EFNA5: variants seen among roughly 807,000 people sequenced by gnomAD.
EFNA5 encodes ephrin-A5.
EFNA5 carries 5 observed loss-of-function variants against 22.9 expected under a neutral mutation model. The ratio of observed to expected loss-of-function variants is 0.22; its 90% CI spans 0.11 to 0.46. The LOEUF is 0.46. Ranked by LOEUF, EFNA5 falls within the 20% of genes least tolerant of loss-of-function variation. The pLI, the probability that EFNA5 is intolerant of heterozygous loss-of-function variation, is 0.99. For missense variants in EFNA5, 237 were observed against 293.3 expected, an observed-to-expected ratio of 0.81 and a Z score of 1.40; for synonymous variants, 113 against 112.2, an observed-to-expected ratio of 1.01 and a Z score of -0.04.
At chr5:107,394,821 C>G (rs1039613338) in intron 2 of EFNA5, among the ~76,000 whole-genome samples, 1 of 152,136 alleles carries the variant, frequency 6.6e-6, no homozygotes, top group Non-Finnish European at 1.5e-5. Context: ...CAATAGCACA[C>G]TAACATGCTT....
chr5:107,412,030 C>T (rs1397984613), intron 2 of EFNA5, among the ~76,000 whole-genome samples: 29 of 151,946 alleles, frequency 1.9e-4, no homozygotes, highest in Admixed American at 1.9e-3. Context: ...TGAATTATTC[C>T]AGAGTGTAGA....
intron 1 of EFNA5, among the ~76,000 whole-genome samples, chr5:107,455,153 G>T (rs1191831054): frequency 1.3e-5 from 2 of 152,166 alleles, no homozygotes; most frequent in African/African-American, 4.8e-5. Context: ...CCCTGTCAGT[G>T]TCAACGAGGT....
chr5:107,437,509 T>C (rs1749146577), intron 1 of EFNA5, among the ~76,000 whole-genome samples: 1 of 152,234 alleles, frequency 6.6e-6, no homozygotes, highest in Non-Finnish European at 1.5e-5. Flanking sequence ...AGTCAATGTA[T>C]AGATTTAGAA....
At chr5:107,654,072 C>T (rs565610073) in intron 1 of EFNA5, among the ~76,000 whole-genome samples, 12 of 152,156 alleles carry the variant, frequency 7.9e-5, no homozygotes, top group Admixed American at 2.0e-4. Context: ...TGCCTGTTAT[C>T]TTTGCAGTAG....
Position 107,380,952 on chromosome 5 carries a change from C to T in EFNA5, c.*303G>A, listed in dbSNP as rs778160277. 56 of 457,098 alleles carry T rather than the reference C, an allele frequency of 1.2e-4. No individual in the cohort carries two copies. Among genetic ancestry groups the T allele is most frequent in the Non-Finnish European group, 1.8e-4 (47 of 258,546 alleles). The allele number at this position is 457,098 out of a possible 1,614,324, so 28.3% of individuals were successfully genotyped here. ...TTAGAGGAGAATGCACAGGAGCTGA[C>T]GAACCACTGGTGTCACTATGACAAT... On this transcript the variant is annotated 3_prime_UTR_variant, in exon 5 of 5. Transcript: ENST00000333274.
At chr5:107,393,866 A>G (rs1580420732) in intron 2 of EFNA5, among the ~76,000 whole-genome samples, 1 of 152,220 alleles carries the variant, frequency 6.6e-6, no homozygotes, top group South Asian at 2.1e-4. Flanking sequence ...TGATGAATCA[A>G]TAAAATCCAG....
intron 1 of EFNA5, among the ~76,000 whole-genome samples, chr5:107,567,618 A>C (rs1354194173): frequency 1.3e-5 from 2 of 152,234 alleles, no homozygotes; most frequent in East Asian, 3.8e-4. Flanking sequence ...CTCCCAAGAA[A>C]GGGAAGACAA....
chr5:107,497,372 C>G (rs1580495530), intron 1 of EFNA5, among the ~76,000 whole-genome samples: 1 of 152,132 alleles, frequency 6.6e-6, no homozygotes, highest in Non-Finnish European at 1.5e-5. Flanking sequence ...CTAACCACAT[C>G]TAGAAGGTAA....
intron 1 of EFNA5, among the ~76,000 whole-genome samples, chr5:107,470,004 T>C (rs1006579647): frequency 5.9e-5 from 9 of 152,194 alleles, no homozygotes; most frequent in African/African-American, 1.9e-4. Flanking sequence ...AGTAATGCAA[T>C]TATAACTGTA....
chr5:107,508,810 T>C (rs1747302634), intron 1 of EFNA5, among the ~76,000 whole-genome samples: 1 of 152,236 alleles, frequency 6.6e-6, no homozygotes, highest in African/African-American at 2.4e-5. Context: ...CACTTAAAGG[T>C]GTTTCAATAA....
chr5:107,465,784 A>G (rs1353220539), intron 1 of EFNA5, among the ~76,000 whole-genome samples: 1 of 151,930 alleles, frequency 6.6e-6, no homozygotes, highest in Non-Finnish European at 1.5e-5. Flanking sequence ...GTATATCACG[A>G]GGGGAGAAAA....
rs1488279261 is a variant in EFNA5 at position 107,531,121 on chromosome 5, A to C, written c.126-103612T>G. Among the ~76,000 whole-genome samples the C allele has an allele frequency of 2.6e-5, 4 of 152,326 alleles. No individual in the cohort carries two copies. In the East Asian group the frequency reaches 7.7e-4, roughly 29 times the overall value. On this transcript the variant is annotated intron_variant, in intron 1 of 4. Coordinates refer to ENST00000333274, the MANE Select transcript of EFNA5 (RefSeq NM_001962.3). ...CTCAGGTTCAAAAAATGTCAACTAC[A>C]CAAGAGTCAAAAGAGGGATAAGTCT...
intron 1 of EFNA5, among the ~76,000 whole-genome samples, chr5:107,507,241 T>A (rs886524006): frequency 2.0e-5 from 3 of 152,340 alleles, no homozygotes; most frequent in East Asian, 1.9e-4. Flanking sequence ...AGTTAAATGA[T>A]CACCTCCAGG....
At chr5:107,554,372 T>C (rs1350869630) in intron 1 of EFNA5, among the ~76,000 whole-genome samples, 1 of 152,208 alleles carries the variant, frequency 6.6e-6, no homozygotes, top group East Asian at 1.9e-4. Flanking sequence ...AATCCTCCCA[T>C]TCTGATATTT....
intron 1 of EFNA5, among the ~76,000 whole-genome samples, chr5:107,583,542 T>G (rs1749112983): frequency 6.6e-6 from 1 of 152,222 alleles, no homozygotes; most frequent in South Asian, 2.1e-4. Flanking sequence ...ACAGAAATGC[T>G]TCTTGCTTGG....
At chr5:107,603,930 G>T (rs971645628) in intron 1 of EFNA5, among the ~76,000 whole-genome samples, 4 of 152,196 alleles carry the variant, frequency 2.6e-5, no homozygotes, top group African/African-American at 9.6e-5. Context: ...ACCTTTCAAA[G>T]CAAGCTGTGA....
intron 2 of EFNA5, among the ~76,000 whole-genome samples, chr5:107,401,019 T>G (rs1312402755): frequency 6.6e-6 from 1 of 152,216 alleles, no homozygotes; most frequent in Non-Finnish European, 1.5e-5. Flanking sequence ...ACATGTAGTA[T>G]AGTAAATAAA....
At chr5:107,453,978 T>TGA (rs1749626120) in intron 1 of EFNA5, among the ~76,000 whole-genome samples, 1 of 151,994 alleles carries the variant, frequency 6.6e-6, no homozygotes, top group South Asian at 2.1e-4. Context: ...TGTGTGTGTG[T>TGA]GACAGATGCA....
chr5:107,649,779 C>A (rs933678360), intron 1 of EFNA5, among the ~76,000 whole-genome samples: 1 of 152,078 alleles, frequency 6.6e-6, no homozygotes. Flanking sequence ...ACATACTATG[C>A]GCCAGGCATT....
Sources: gnomAD v4.1 joint callset for allele counts (sites outside exome capture counted in the v4.1 genomes callset) on GRCh38, gnomAD v4.1.1 for gene constraint, MANE v1.5 for transcripts, NCBI Gene and HGNC (gene_info 2026-07-23, HGNC 2026-07-21) for gene names.